INPP5A: variants seen among roughly 807,000 people sequenced by gnomAD.
The protein encoded by INPP5A is 43 kDa inositol polyphosphate 5-phophatase.
Under a neutral mutation model 65.2 loss-of-function variants are expected in INPP5A, and 14 were observed. The ratio of observed to expected loss-of-function variants is 0.21; its 90% CI spans 0.14 to 0.34. The LOEUF is 0.34. Ranked by LOEUF, INPP5A falls within the 10% of genes least tolerant of loss-of-function variation. The pLI is 1.00. For synonymous variants in INPP5A, 207 were observed against 208.3 expected, an observed-to-expected ratio of 0.99 and a Z score of 0.05; for missense variants, 431 against 545.6, an observed-to-expected ratio of 0.79 and a Z score of 2.09.
chr10:132,667,338 A>G (rs190391261), intron 4 of INPP5A, among the ~76,000 whole-genome samples: 3 of 152,342 alleles, frequency 2.0e-5, no homozygotes, highest in African/African-American at 7.2e-5. Context: ...ATTACTGTTG[A>G]AGCTCGTTCT....
chr10:132,615,984 CA>C (rs1240365317), intron 2 of INPP5A, among the ~76,000 whole-genome samples: 1 of 152,180 alleles, frequency 6.6e-6, no homozygotes, highest in African/African-American at 2.4e-5. Flanking sequence ...GCCTGGGGAA[CA>C]GGGGCCTCCC....
intron 12 of INPP5A, among the ~76,000 whole-genome samples, chr10:132,769,687 G>A (rs1249016252): frequency 6.6e-6 from 1 of 152,186 alleles, no homozygotes; most frequent in African/African-American, 2.4e-5. Flanking sequence ...CAGAGGCGGC[G>A]ATGGGCTTTC....
chr10:132,682,884 T>C (rs1381488010), intron 4 of INPP5A, among the ~76,000 whole-genome samples: 2 of 151,844 alleles, frequency 1.3e-5, no homozygotes, highest in Non-Finnish European at 2.9e-5. Context: ...GCACGCACGT[T>C]TAATCTGTGT....
Position 132,538,141 on chromosome 10 carries a change from C to A in INPP5A, c.45C>A (p.Val15=). ...AAAPGTAVLL[V]TANVGSLFDD... ...CCCCGGGCACCGCGGTGCTGCTGGT[C>A]ACGGCCAACGTGGGCTCGCTCTTCG... The change falls in exon 1 of 16, where the codon GTC becomes GTA. Residue 15 remains valine, a synonymous_variant. Coordinates refer to ENST00000368594, the MANE Select transcript of INPP5A (RefSeq NM_005539.5). The surrounding 1 kb of genome is among the most constrained non-coding windows in gnomAD (Gnocchi z 4.1). 2 of 1,274,780 alleles carry A rather than the reference C, an allele frequency of 1.6e-6. No individual in the cohort carries two copies. Among genetic ancestry groups the A allele is most frequent in the South Asian group, 5.3e-5 (2 of 37,534 alleles). 79.0% of individuals were successfully genotyped at this position (1,274,780 alleles called of 1,614,324 possible).
intron 9 of INPP5A, among the ~76,000 whole-genome samples, chr10:132,732,988 C>A (rs1482818801): frequency 1.3e-5 from 2 of 152,180 alleles, no homozygotes; most frequent in Non-Finnish European, 2.9e-5. Flanking sequence ...AGTCCTGGAA[C>A]CTGGACATCC....
At chr10:132,629,396 T>C (rs2072234996) in intron 2 of INPP5A, among the ~76,000 whole-genome samples, 1 of 152,246 alleles carries the variant, frequency 6.6e-6, no homozygotes, top group Admixed American at 6.5e-5. Flanking sequence ...AGCTGTTCAG[T>C]GTCTTCATGA....
At chr10:132,742,115 T>A (rs1054466102) in intron 9 of INPP5A, among the ~76,000 whole-genome samples, 1 of 152,198 alleles carries the variant, frequency 6.6e-6, no homozygotes, top group Non-Finnish European at 1.5e-5. Flanking sequence ...ATAGAGCTCA[T>A]GCGCCATGAG....
intron 14 of INPP5A, 71 bp from the exon 15 acceptor site, chr10:132,781,790 C>T (rs1847166249): frequency 6.2e-6 from 8 of 1,285,288 alleles, no homozygotes; most frequent in East Asian, 2.3e-5. Context: ...GGGGGTGCAA[C>T]GGGAGGCGGC....
Position 132,743,551 on chromosome 10 carries a change from C to CATTTGTCCCG in INPP5A, c.733-5965_733-5956dup, listed in dbSNP as rs1846315027. On this transcript the variant is annotated intron_variant, in intron 9 of 15. Coordinates refer to ENST00000368594, the MANE Select transcript of INPP5A (RefSeq NM_005539.5). ...GGCTCTGCCCCTCCCTCCATTCATT[C>CATTTGTCCCG]ATTTGTCCCGTGAGTATCAATTGGA... Among the ~76,000 whole-genome samples the CATTTGTCCCG allele has an allele frequency of 2.0e-5, 3 of 152,270 alleles. 1 individual carries two copies.
intron 4 of INPP5A, among the ~76,000 whole-genome samples, chr10:132,661,412 T>C (rs2072736339): frequency 6.6e-6 from 1 of 152,206 alleles, no homozygotes; most frequent in South Asian, 2.1e-4. Flanking sequence ...GAAATTGAAA[T>C]GTAAATAACA....
intron 11 of INPP5A, 102 bp downstream of exon 11, chr10:132,749,947 C>T (rs1846444251): frequency 3.0e-6 from 3 of 1,008,244 alleles, no homozygotes; most frequent in Admixed American, 3.6e-5. Flanking sequence ...TGCCTTGTCC[C>T]TGCCACCTCC....
chr10:132,730,488 G>A (rs537502135), intron 9 of INPP5A, among the ~76,000 whole-genome samples: 2 of 152,370 alleles, frequency 1.3e-5, no homozygotes, highest in Admixed American at 6.5e-5. Context: ...CGGCCGCTCT[G>A]CAGCCCCACC....
intron 2 of INPP5A, among the ~76,000 whole-genome samples, chr10:132,623,499 A>G (rs1374510571): frequency 2.0e-5 from 3 of 152,210 alleles, no homozygotes; most frequent in African/African-American, 7.2e-5. Context: ...TTAACTCAAA[A>G]TGGATCTTAG....
chr10:132,576,866 AGAGT>A (rs2071416852), intron 1 of INPP5A, among the ~76,000 whole-genome samples: 1 of 152,188 alleles, frequency 6.6e-6, no homozygotes, highest in African/African-American at 2.4e-5. Flanking sequence ...CCCGGGTTTT[AGAGT>A]GAGACTGACG....
In INPP5A at chr10:132,698,021, C is replaced by G; in HGVS notation, c.474+102C>G. On this transcript the variant is annotated intron_variant, in intron 6 of 15. Transcript: ENST00000368594. The surrounding 1 kb of genome is among the most constrained non-coding windows in gnomAD (Gnocchi z 5.5). Reference sequence around the variant, plus strand: ...TTTCGCATTGCACTGTTACTAGTCACAGCTGCCTGTTGTTACCTCCGATAA... The same window carrying G: ...TTTCGCATTGCACTGTTACTAGTCAGAGCTGCCTGTTGTTACCTCCGATAA... 1 of 751,066 alleles carries G rather than the reference C, an allele frequency of 1.3e-6. No individual in the cohort carries two copies. Among genetic ancestry groups the G allele is most frequent in the Admixed American group, 2.0e-5 (1 of 48,890 alleles). 46.5% of individuals were successfully genotyped at this position (751,066 alleles called of 1,614,324 possible).
At chr10:132,730,718 G>A (rs780573157) in intron 9 of INPP5A, among the ~76,000 whole-genome samples, 44 of 152,174 alleles carry the variant, frequency 2.9e-4, no homozygotes, top group Non-Finnish European at 5.9e-4. Context: ...GAGCTCCTGC[G>A]GGCCTGGCTG....
chr10:132,593,459 C>A lies in INPP5A; in HGVS notation c.76-14456C>A, dbSNP rs73399347. Among the ~76,000 whole-genome samples the A allele has an allele frequency of 4.0e-3, 610 of 152,280 alleles. 3 individuals are homozygous for A. Among genetic ancestry groups the A allele is most frequent in the African/African-American group, 0.014 (583 of 41,542 alleles). ...TCATTCTTCCTTTCCTATGTACATC[C>A]GGAATTTTGAGTTGTGTCATATTCT... On this transcript the variant is annotated intron_variant, in intron 1 of 15. Transcript: ENST00000368594.
In INPP5A at chr10:132,697,808, T is replaced by C. The variant is rs766638806; in HGVS notation, c.371-8T>C. 6.3e-7 allele frequency: 1 copy of C among 1,590,608 alleles called. No homozygotes were observed. Among genetic ancestry groups the C allele is most frequent in the Non-Finnish European group, 8.6e-7 (1 of 1,159,420 alleles). On this transcript the variant is annotated splice_polypyrimidine_tract_variant and splice_region_variant and intron_variant, in intron 5 of 15. Transcript: ENST00000368594. The surrounding 1 kb of genome is among the most constrained non-coding windows in gnomAD (Gnocchi z 5.6). The stretch of plus-strand genomic sequence containing the variant: ...GGATAGTCACCTCGTCCTTCTGGTC[T>C]CTTCCAGCTAAGAAGTATAGAAAGG...
chr10:132,744,902 C>T (rs976205051), intron 9 of INPP5A, among the ~76,000 whole-genome samples: 2 of 152,186 alleles, frequency 1.3e-5, no homozygotes, highest in Non-Finnish European at 2.9e-5. Flanking sequence ...TTAGACATGC[C>T]GCCACAGACC....
Sources: allele counts gnomAD v4.1 joint callset (sites outside exome capture counted in the v4.1 genomes callset), GRCh38; gene constraint gnomAD v4.1.1; non-coding constraint Gnocchi (gnomAD v3.1); transcripts MANE v1.5; gene names NCBI Gene and HGNC (gene_info 2026-07-23, HGNC 2026-07-21).